Variants in UPK3A observed in about 807,000 individuals in gnomAD.
UPK3A encodes uroplakin 3A.
In UPK3A, 32 loss-of-function variants were observed where a neutral mutation model predicts 27.6. That is an observed-to-expected ratio of 1.16 (90% CI 0.87 to 1.55). The LOEUF (loss-of-function observed/expected upper bound fraction) is 1.55, where lower values mean the gene tolerates loss of function less well. UPK3A is among the 40% of genes most tolerant of loss of function. The pLI, the probability that UPK3A is intolerant of heterozygous loss-of-function variation, is 0.00. For synonymous variants in UPK3A, 171 were observed against 163.9 expected (o/e 1.04, Z -0.33); for missense variants, 370 against 367.9 (o/e 1.01, Z -0.05).
intron 5 of UPK3A, among the ~76,000 whole-genome samples, chr22:45,293,604 C>T (rs1030424723): frequency 9.2e-5 from 14 of 152,088 alleles, no homozygotes; most frequent in Non-Finnish European, 5.9e-5. Flanking sequence ...AGTTATGCAA[C>T]CTTAGGTATG....
Position 45,289,048 on chromosome 22 carries a change from C to T in UPK3A, c.489-13C>T, listed in dbSNP as rs202122720. 2.9e-5 allele frequency: 47 copies of T among 1,613,408 alleles called. No homozygotes were observed. The highest frequency in any genetic ancestry group is 1.6e-4 in the East Asian group (7 of 44,860). ...GGAAGCATAAAAGTCACCCTGGCTCCGTCTCCTTCCAGGTTCAAGTATGTC... is the reference window on the plus strand; with the variant it reads ...GGAAGCATAAAAGTCACCCTGGCTCTGTCTCCTTCCAGGTTCAAGTATGTC... On this transcript the variant is annotated splice_polypyrimidine_tract_variant and intron_variant, in intron 3 of 5. Coordinates refer to ENST00000216211, the MANE Select transcript of UPK3A (RefSeq NM_006953.4).
chr22:45,292,840 T>G (rs1770531207), intron 4 of UPK3A, among the ~76,000 whole-genome samples: 2 of 151,608 alleles, frequency 1.3e-5, no homozygotes. Context: ...CCTGGGAGTT[T>G]GAGGCTGCAG....
chr22:45,293,948 G>A (rs2084178715), intron 5 of UPK3A, among the ~76,000 whole-genome samples: 1 of 152,056 alleles, frequency 6.6e-6, no homozygotes. Context: ...GAGGTCTCCC[G>A]AGGGGTGTAC....
chr22:45,285,843 C>G (rs1178982947), intron 1 of UPK3A, 98 bp from the exon 2 acceptor site: 4 of 1,563,978 alleles, frequency 2.6e-6, no homozygotes, highest in Non-Finnish European at 3.5e-6. Context: ...AGGGTGAAGC[C>G]CAGGGCCTGG....
Position 45,285,933 on chromosome 22 carries a change from TC to T in UPK3A, c.53-6del. 6.2e-7 allele frequency: 1 copy of T among 1,613,812 alleles called. No homozygotes were observed. Among genetic ancestry groups the T allele is most frequent in the Non-Finnish European group, 8.5e-7 (1 of 1,179,976 alleles). On this transcript the variant is annotated splice_region_variant and splice_polypyrimidine_tract_variant and intron_variant, in intron 1 of 5. Coordinates refer to ENST00000216211, the MANE Select transcript of UPK3A (RefSeq NM_006953.4). Reference sequence around the variant, plus strand: ...GAGGTCAGTTCCCATCCTCACTGCCTCCTCCAGCTGTGAACCTGCAGCCCCA... The same window carrying T: ...GAGGTCAGTTCCCATCCTCACTGCCTCTCCAGCTGTGAACCTGCAGCCCCA...
At chr22:45,289,671 T>C (rs1193805488) in intron 4 of UPK3A, among the ~76,000 whole-genome samples, 1 of 151,410 alleles carries the variant, frequency 6.6e-6, no homozygotes, top group Non-Finnish European at 1.5e-5. Flanking sequence ...GGAGAATCGC[T>C]TGAACTGGGG....
rs145397722 is a variant in UPK3A, at chr22:45,286,079, A to G, written c.191A>G (p.Tyr64Cys). The G allele has an allele frequency of 5.6e-6, 9 of 1,614,068 alleles. No homozygotes were observed. The African/African-American group carries it at 9.3e-5, about 17-fold the overall frequency. Residue 64 changes from tyrosine to cysteine, a missense_variant, in exon 2 of 6, where the codon TAT (tyrosine) becomes TGT (cysteine). Physicochemically the swap from Tyr to Cys is radical, Grantham distance 194. Coordinates refer to ENST00000216211, the MANE Select transcript of UPK3A (RefSeq NM_006953.4). ...ALTGTHEVYL[Y>C]VLVDSAISRN... ...ACTGGCACCCACGAGGTCTACCTGTATGTCCTGGTCGACTCAGGTAAGGGT... is the reference window on the plus strand; with the variant it reads ...ACTGGCACCCACGAGGTCTACCTGTGTGTCCTGGTCGACTCAGGTAAGGGT...
At chr22:45,290,539 TGTGTGTGAGTG>T (rs1458852118) in intron 4 of UPK3A, among the ~76,000 whole-genome samples, 2 of 152,032 alleles carry the variant, frequency 1.3e-5, no homozygotes, top group African/African-American at 4.8e-5. Context: ...GTGTTGCGTA[TGTGTGTGAGTG>T]GTGTGTGAGT....
intron 1 of UPK3A, 105 bp from the exon 2 acceptor site, chr22:45,285,836 G>A (rs2084113812): frequency 3.9e-6 from 6 of 1,523,972 alleles, no homozygotes; most frequent in African/African-American, 1.4e-5. Context: ...CAGGGGGAGG[G>A]TGAAGCCCAG....
intron 2 of UPK3A, among the ~76,000 whole-genome samples, chr22:45,286,412 A>ACC (rs371467694): frequency 5.9e-5 from 9 of 151,648 alleles, no homozygotes; most frequent in African/African-American, 2.2e-4. Flanking sequence ...AGGTGGAATA[A>ACC]CCCCCCCTGG....
chr22:45,285,987 C>A lies in UPK3A; in HGVS notation c.99C>A (p.Asn33Lys). ...PQLASVTFAT[N>K]NPTLTTVALE... ...TGGCCAGTGTGACTTTCGCCACCAA[C>A]AACCCCACACTTACCACTGTGGCCT... The change falls in exon 2 of 6, where the codon AAC (asparagine) becomes AAA (lysine). Residue 33 changes from asparagine to lysine, a missense_variant. Physicochemically the swap from Asn to Lys is moderately conservative, Grantham distance 94. Coordinates refer to ENST00000216211, the MANE Select transcript of UPK3A (RefSeq NM_006953.4). The A allele has an allele frequency of 1.9e-6, 3 of 1,614,184 alleles. No individual in the cohort carries two copies. Among genetic ancestry groups the A allele is most frequent in the Non-Finnish European group, 1.7e-6 (2 of 1,180,010 alleles).
rs2084115212 is a variant in UPK3A, at chr22:45,285,983, CCAA to C, written c.100_102del (p.Asn34del). On this transcript the variant is annotated inframe_deletion, in exon 2 of 6. Coordinates refer to ENST00000216211, the MANE Select transcript of UPK3A (RefSeq NM_006953.4). ...CAACTGGCCAGTGTGACTTTCGCCACCAACAACCCCACACTTACCACTGTGGCC... is the reference window on the plus strand; with the variant it reads ...CAACTGGCCAGTGTGACTTTCGCCACCAACCCCACACTTACCACTGTGGCC... The C allele has an allele frequency of 2.5e-6, 4 of 1,614,050 alleles. No homozygotes were observed. Among genetic ancestry groups the C allele is most frequent in the Non-Finnish European group, 3.4e-6 (4 of 1,180,028 alleles).
chr22:45,287,120 T>G, intron 2 of UPK3A, 52 bp from the exon 3 acceptor site: 1 of 1,611,412 alleles, frequency 6.2e-7, no homozygotes, highest in Non-Finnish European at 8.5e-7. Flanking sequence ...ACTGAGTGAG[T>G]GTCGCTGAGC....
intron 2 of UPK3A, 147 bp downstream of exon 2, chr22:45,286,243 C>A: frequency 9.6e-7 from 1 of 1,040,536 alleles, no homozygotes; most frequent in Non-Finnish European, 1.4e-6. Flanking sequence ...CCTTGCCTTG[C>A]AGGGACATCC....
intron 3 of UPK3A, 96 bp from the exon 4 acceptor site, chr22:45,288,965 C>T: frequency 8.2e-7 from 1 of 1,225,292 alleles, no homozygotes; most frequent in South Asian, 1.2e-5. Context: ...CCGCTGCCGT[C>T]TCCCACCCCT....
chr22:45,285,890 G>A (rs141446172), intron 1 of UPK3A, 51 bp from the exon 2 acceptor site: 3 of 1,611,672 alleles, frequency 1.9e-6, no homozygotes, highest in Admixed American at 3.3e-5. Flanking sequence ...AGCAGAGTGG[G>A]TGTGGACAGT....
intron 5 of UPK3A, among the ~76,000 whole-genome samples, chr22:45,293,916 T>C (rs924447776): frequency 6.6e-6 from 1 of 152,136 alleles, no homozygotes; most frequent in Non-Finnish European, 1.5e-5. Context: ...CTCTGATTTG[T>C]GTCGCCTTTG....
In UPK3A at chr22:45,285,049, C is replaced by T; in HGVS notation, c.36C>T (p.Cys12=). The change falls in exon 1 of 6, where the codon TGC becomes TGT. Residue 12 remains cysteine (C), a synonymous_variant. Transcript: ENST00000216211. The part of the protein sequence containing the change: ...PPLWALLALG[C]LRFGSAVNLQ... ...TCTGGGCCCTGCTGGCCCTCGGCTG[C>T]CTGCGGTTCGGCTCGGGTAGGCGGT... 6.5e-7 allele frequency: 1 copy of T among 1,536,474 alleles called. No homozygotes were observed. Among genetic ancestry groups the T allele is most frequent in the Non-Finnish European group, 8.7e-7 (1 of 1,148,190 alleles).
At chr22:45,288,919 A>C (rs2084138849) in intron 3 of UPK3A, 142 bp from the exon 4 acceptor site, 5 of 778,980 alleles carry the variant, frequency 6.4e-6, no homozygotes, top group Middle Eastern at 2.4e-4. Flanking sequence ...GAGCCCGCTC[A>C]GTAGCCGTCT....
Sources: allele counts gnomAD v4.1 joint callset (sites outside exome capture counted in the v4.1 genomes callset), GRCh38; gene constraint gnomAD v4.1.1; transcripts MANE v1.5; gene names NCBI Gene and HGNC (gene_info 2026-07-23, HGNC 2026-07-21).